The following SHTN1 variants were observed in gnomAD, a reference collection of about 807,000 sequenced individuals.
The protein encoded by SHTN1 is shootin-1.
SHTN1 carries 42 observed loss-of-function variants against 83.1 expected under a neutral mutation model. The ratio of observed to expected loss-of-function variants is 0.51; its 90% CI spans 0.39 to 0.65. The LOEUF (loss-of-function observed/expected upper bound fraction) is 0.65. Among genes scored for constraint, SHTN1 ranks in the 30% least tolerant of loss-of-function variants. The probability of loss-of-function intolerance (pLI) is 0.00; values close to 1 mark genes in which losing one functional copy is unlikely to be tolerated. For missense variants in SHTN1, 622 were observed against 737.8 expected (o/e 0.84, Z 1.82); for synonymous variants, 224 against 247.7 (o/e 0.90, Z 0.90).
At chr10:117,081,498 T>G (rs1853261692) in intron 1 of SHTN1, among the ~76,000 whole-genome samples, 1 of 143,612 alleles carries the variant, frequency 7.0e-6, no homozygotes, top group Admixed American at 7.1e-5. Flanking sequence ...AAAATTCTCT[T>G]TTTTGGTTGT....
At chr10:117,060,150 T>C (rs1044980129) in intron 1 of SHTN1, among the ~76,000 whole-genome samples, 1 of 152,056 alleles carries the variant, frequency 6.6e-6, no homozygotes. Context: ...AATTTCAAGG[T>C]TACAGTGAGC....
intron 8 of SHTN1, among the ~76,000 whole-genome samples, chr10:116,941,805 C>G (rs571370784): frequency 6.6e-6 from 1 of 152,154 alleles, no homozygotes; most frequent in South Asian, 2.1e-4. Flanking sequence ...ACATCAAAGT[C>G]AAGTCATGAA....
intron 9 of SHTN1, 37 bp from the exon 10 acceptor site, chr10:116,930,039 G>A: frequency 7.2e-7 from 1 of 1,396,352 alleles, no homozygotes; most frequent in Non-Finnish European, 9.7e-7. Flanking sequence ...TTTTATGGCT[G>A]ACAGTTTTTC....
At chr10:116,911,419 T>C in intron 14 of SHTN1, 1 of 1,524,322 alleles carries the variant, frequency 6.6e-7, no homozygotes, top group East Asian at 2.5e-5. Flanking sequence ...GATTCTCCTT[T>C]TAGGCTTCAA....
chr10:116,927,947 T>G (rs992777703), intron 10 of SHTN1, 56 bp from the exon 11 acceptor site: 4 of 1,581,312 alleles, frequency 2.5e-6, no homozygotes, highest in Non-Finnish European at 8.6e-7. Context: ...AAACATTGTT[T>G]ATACATGTGA....
intron 2 of SHTN1, among the ~76,000 whole-genome samples, chr10:116,978,608 ATTATTAGC>A (rs1850897181): frequency 6.6e-6 from 1 of 151,036 alleles, no homozygotes; most frequent in Non-Finnish European, 1.5e-5. Context: ...ATATATATAT[ATTATTAGC>A]TATATATATT....
chr10:117,092,064 T>C (rs1853437443), intron 1 of SHTN1, among the ~76,000 whole-genome samples: 1 of 152,204 alleles, frequency 6.6e-6, no homozygotes, highest in Non-Finnish European at 1.5e-5. Context: ...TAATAAGGGA[T>C]AGATGAAAGA....
At position 116,894,313 on chromosome 10, in the gene SHTN1, T is replaced by TA. The variant is rs1847439162; in HGVS notation, c.1673+7451dup. 2.0e-5 allele frequency among the ~76,000 whole-genome samples: 3 copies of TA among 152,318 alleles called. No homozygotes were observed. The South Asian group carries it at 6.2e-4, about 32-fold the overall frequency. ...GGTTTCACTGGAAATGAACATTTTCTATTGAAATTGAAGTCTTATAATTGC... is the reference window on the plus strand; with the variant it reads ...GGTTTCACTGGAAATGAACATTTTCTAATTGAAATTGAAGTCTTATAATTGC... On this transcript the variant is annotated intron_variant, in intron 16 of 16. Transcript: ENST00000355371.
chr10:116,965,467 A>T (rs1399732088), intron 3 of SHTN1, among the ~76,000 whole-genome samples: 2 of 152,238 alleles, frequency 1.3e-5, no homozygotes, highest in African/African-American at 4.8e-5. Context: ...CAGCGAGCAG[A>T]GATCACGCCA....
chr10:117,042,548 G>C (rs1451145102), intron 2 of SHTN1, among the ~76,000 whole-genome samples: 1 of 152,006 alleles, frequency 6.6e-6, no homozygotes, highest in Admixed American at 6.6e-5. Flanking sequence ...ATCCAATCTA[G>C]TGAAAAACAT....
At chr10:117,024,512 G>A (rs1029446831) in intron 2 of SHTN1, among the ~76,000 whole-genome samples, 1 of 151,606 alleles carries the variant, frequency 6.6e-6, no homozygotes, top group African/African-American at 2.4e-5. Context: ...CCACCACCAC[G>A]CCTGGCTAAT....
chr10:116,982,580 C>A (rs1010113096), intron 1 of SHTN1, among the ~76,000 whole-genome samples: 7 of 152,170 alleles, frequency 4.6e-5, no homozygotes. Context: ...GGCTTGCAGT[C>A]TGAAAATTTT....
intron 9 of SHTN1, among the ~76,000 whole-genome samples, chr10:116,933,008 T>G (rs1260150860): frequency 6.6e-6 from 1 of 152,116 alleles, no homozygotes; most frequent in Non-Finnish European, 1.5e-5. Flanking sequence ...TTTTTCTCTT[T>G]TCTTGAAAAG....
rs555045024 is a variant in SHTN1 at position 117,122,116 on chromosome 10, T to C, written c.-189+4191A>G. 3.4e-4 allele frequency among the ~76,000 whole-genome samples: 52 copies of C among 152,342 alleles called. 1 individual carries two copies. Among genetic ancestry groups the C allele is most frequent in the South Asian group, 1.2e-3 (6 of 4,824 alleles). On this transcript the variant is annotated intron_variant, in intron 1 of 17. Coordinates refer to the SHTN1 transcript ENST00000392901. ...ATAACCTAATACAATGTAAATGCTA[T>C]GTAAATAATTGTTGTACTGTATTTG...
intron 1 of SHTN1, among the ~76,000 whole-genome samples, chr10:116,991,072 G>A (rs1851413585): frequency 6.6e-6 from 1 of 152,070 alleles, no homozygotes; most frequent in Admixed American, 6.6e-5. Flanking sequence ...TGTAGTCCCA[G>A]CTACTCTGGA....
chr10:117,013,322 C>T (rs1468929464), intron 2 of SHTN1, among the ~76,000 whole-genome samples: 2 of 151,982 alleles, frequency 1.3e-5, no homozygotes, highest in Non-Finnish European at 2.9e-5. Context: ...TACAGGCACC[C>T]GCCACCACGC....
chr10:117,035,039 G>C (rs1220865476), intron 2 of SHTN1, among the ~76,000 whole-genome samples: 2 of 152,130 alleles, frequency 1.3e-5, no homozygotes, highest in African/African-American at 2.4e-5. Flanking sequence ...TAAGCTAGAA[G>C]AACAAAACTG....
chr10:117,084,380 A>G (rs1299250431), intron 1 of SHTN1, among the ~76,000 whole-genome samples: 1 of 152,204 alleles, frequency 6.6e-6, no homozygotes. Context: ...CCACTTGAGG[A>G]GGCAGTCTGA....
chr10:116,929,966 G>A lies in SHTN1; in HGVS notation c.895C>T (p.Leu299Phe). ...ELEEQLENET[L>F]HKEIHNLKQQ... ...TTGAGGTTGTGTATTTCTTTGTGGA[G>A]TGTTTCATTTTCTAGTTGCTCTTCT... The change falls in exon 10 of 17, where the codon CTC (leucine) becomes TTC (phenylalanine). Residue 299 changes from leucine (L) to phenylalanine (F), a missense_variant. By Grantham distance (22) the Leu-to-Phe change is conservative. This residue lies in a region of SHTN1 where 383 missense variants were observed against 455.8 expected (regional missense o/e 0.84). Coordinates refer to ENST00000355371, the MANE Select transcript of SHTN1 (RefSeq NM_001127211.3). 1 of 1,599,730 alleles carries A rather than the reference G, an allele frequency of 6.3e-7. No individual in the cohort carries two copies. Among genetic ancestry groups the A allele is most frequent in the South Asian group, 1.1e-5 (1 of 88,398 alleles).
Sources: allele counts gnomAD v4.1 joint callset (sites outside exome capture counted in the v4.1 genomes callset), GRCh38; gene constraint gnomAD v4.1.1; regional missense constraint gnomAD v4.1.1; transcripts MANE v1.5; gene names NCBI Gene and HGNC (gene_info 2026-07-23, HGNC 2026-07-21).